WDR64: variants seen among roughly 807,000 people sequenced by gnomAD.
The protein encoded by WDR64 is WD repeat-containing protein 64.
Under a neutral mutation model 139.3 loss-of-function variants are expected in WDR64, and 112 were observed. The ratio of observed to expected loss-of-function variants is 0.80; its 90% CI spans 0.69 to 0.94. The LOEUF (loss-of-function observed/expected upper bound fraction) is 0.94, where lower values mean the gene tolerates loss of function less well. Among genes scored for constraint, WDR64 ranks in the 40% least tolerant of loss-of-function variants. The pLI, the probability that WDR64 is intolerant of heterozygous loss-of-function variation, is 0.00. For synonymous variants in WDR64, 444 were observed against 437.7 expected (o/e 1.01, Z -0.18); for missense variants, 1,206 against 1,293.1 (o/e 0.93, Z 1.03).
chr1:241,801,110 T>C (rs1659511310), intron 27 of WDR64, 22 bp from the exon 28 acceptor site: 4 of 1,606,614 alleles, frequency 2.5e-6, no homozygotes, highest in Middle Eastern at 1.7e-4. Context: ...AGTTACTAAC[T>C]GACATGCTCT....
Position 241,668,305 on chromosome 1 carries a change from C to T in WDR64, c.277-2769C>T, listed in dbSNP as rs142272192. Among the ~76,000 whole-genome samples the T allele has an allele frequency of 5.9e-3, 898 of 151,900 alleles. 10 individuals carry two copies. Among genetic ancestry groups the T allele is most frequent in the African/African-American group, 0.021 (855 of 41,408 alleles). On this transcript the variant is annotated intron_variant, in intron 2 of 27. Coordinates refer to ENST00000437684, the MANE Select transcript of WDR64 (RefSeq NM_001367482.1). ...GGGGCGGATCACGAGGTCAGGAGTTCGAGACCAGCCTGGCCAATAGGGTGA... is the reference window on the plus strand; with the variant it reads ...GGGGCGGATCACGAGGTCAGGAGTTTGAGACCAGCCTGGCCAATAGGGTGA...
intron 8 of WDR64, among the ~76,000 whole-genome samples, chr1:241,689,635 G>T (rs561688540): frequency 1.3e-5 from 2 of 152,186 alleles, no homozygotes; most frequent in Non-Finnish European, 2.9e-5. Context: ...ATCAGAATCA[G>T]ATGCAGACAT....
intron 8 of WDR64, among the ~76,000 whole-genome samples, chr1:241,699,011 C>T (rs900811620): frequency 6.6e-6 from 1 of 152,124 alleles, no homozygotes; most frequent in Non-Finnish European, 1.5e-5. Flanking sequence ...AGGGAAAAGG[C>T]CTTTATGAAA....
Position 241,679,530 on chromosome 1 carries a change from C to T in WDR64, c.559C>T (p.Arg187Ter), listed in dbSNP as rs41304038. ...TGCDYLLQLK[R>*]IVATTERTII... ...GTGTGATTACCTCTTGCAGCTGAAACGAATCGTAGCCACAACCGAAAGGAC... is the reference window on the plus strand; with the variant it reads ...GTGTGATTACCTCTTGCAGCTGAAATGAATCGTAGCCACAACCGAAAGGAC... The change falls in exon 6 of 28, where the codon CGA becomes TGA. Residue 187 changes from arginine to a stop codon, truncating the protein, a stop_gained. Coordinates refer to ENST00000437684, the MANE Select transcript of WDR64 (RefSeq NM_001367482.1). LOFTEE classifies it high-confidence loss of function. The T allele has an allele frequency of 4.5e-4, 693 of 1,551,568 alleles. No homozygotes were observed. The highest frequency in any genetic ancestry group is 1.4e-3 in the Admixed American group (70 of 50,996).
chr1:241,736,800 G>T (rs954208654), intron 10 of WDR64, among the ~76,000 whole-genome samples: 3 of 152,182 alleles, frequency 2.0e-5, no homozygotes, highest in African/African-American at 7.2e-5. Flanking sequence ...AAGGTGAATG[G>T]TGCTGATGTC....
chr1:241,769,353 A>AGCTCC lies in WDR64; in HGVS notation c.2082-50_2082-46dup, dbSNP rs1658327938. 9.0e-5 allele frequency: 126 copies of AGCTCC among 1,402,924 alleles called. 1 individual carries two copies. The South Asian group carries it at 1.3e-3, about 15-fold the overall frequency. The allele number at this position is 1,402,924 out of a possible 1,614,324, so 86.9% of individuals were successfully genotyped here. A position where few individuals can be genotyped will look rare whatever the true frequency, so the allele number is the denominator to read the frequency against. On this transcript the variant is annotated intron_variant, in intron 16 of 27. Transcript: ENST00000437684. ...GAGGATATACAATCTTAGTACTGTAAGCTCCATAATTTGTGAATTTTTTCT... is the reference window on the plus strand; with the variant it reads ...GAGGATATACAATCTTAGTACTGTAAGCTCCGCTCCATAATTTGTGAATTTTTTCT...
At chr1:241,695,585 A>G (rs1368407840) in intron 8 of WDR64, among the ~76,000 whole-genome samples, 1 of 152,216 alleles carries the variant, frequency 6.6e-6, no homozygotes, top group Non-Finnish European at 1.5e-5. Flanking sequence ...GGAGTAATAA[A>G]CGATAGTTCT....
At position 241,723,424 on chromosome 1, in the gene WDR64, T is replaced by C. The variant is rs747031216; in HGVS notation, c.1182T>C (p.Leu394=). 1 of 1,613,588 alleles carries C rather than the reference T, an allele frequency of 6.2e-7. No individual in the cohort carries two copies. The highest frequency in any genetic ancestry group is 2.2e-5 in the East Asian group (1 of 44,862). Reference sequence around the variant, plus strand: ...AAAAAGATCAACATGTCGTCAGCCTTTCCTCTGCAAAGGTAACAAAAAGAA... The same window carrying C: ...AAAAAGATCAACATGTCGTCAGCCTCTCCTCTGCAAAGGTAACAAAAAGAA... ...TNEKDQHVVS[L]SSAKVFRVWD... Residue 394 remains leucine (L), a synonymous_variant, in exon 10 of 28, where the codon CTT becomes CTC. Transcript: ENST00000437684.
chr1:241,801,119 C>G lies in WDR64; in HGVS notation c.3193-13C>G. 2.5e-6 allele frequency: 4 copies of G among 1,612,026 alleles called. 1 individual carries two copies. The highest frequency in any genetic ancestry group is 2.2e-5 in the South Asian group (2 of 90,836). Reference sequence around the variant, plus strand: ...AATGCCAGTTACTAACTGACATGCTCTTTATTTCACAGGCACCACGAAGAA... The same window carrying G: ...AATGCCAGTTACTAACTGACATGCTGTTTATTTCACAGGCACCACGAAGAA... On this transcript the variant is annotated splice_polypyrimidine_tract_variant and intron_variant, in intron 27 of 27. Transcript: ENST00000437684.
At chr1:241,660,788 C>G (rs1461292050) in intron 2 of WDR64, 128 bp downstream of exon 2, 1 of 1,008,666 alleles carries the variant, frequency 9.9e-7, no homozygotes, top group Non-Finnish European at 1.4e-6. Context: ...GTTTCAATAC[C>G]TACACCCATT....
In WDR64 at chr1:241,674,873, TC is replaced by T; in HGVS notation, c.483+127del. 1.6e-5 allele frequency: 2 copies of T among 123,118 alleles called. 1 individual carries two copies. The highest frequency in any genetic ancestry group is 5.2e-3 in the Middle Eastern group (2 of 386). The allele number at this position is 123,118 out of a possible 1,614,324, so 7.6% of individuals were successfully genotyped here. ...TTCTTTCCTTCCTCCCTCCCTCCTT[TC>T]TTTCTTTCCTTCTTGCTTTTATTTC... On this transcript the variant is annotated intron_variant, in intron 4 of 27. Transcript: ENST00000437684.
rs878892531 is a variant in WDR64, at chr1:241,741,592, A to G, written c.1398A>G (p.Arg466=). ...AACAGGTTCCTCACACTCATGAACG[A>G]GAAATCAATGTCATGCTTTACAACA... is the stretch of plus-strand genomic sequence containing the variant. ...DTKQVPHTHE[R]EINVMLYNKY... The change falls in exon 12 of 28, where the codon CGA becomes CGG. Residue 466 remains arginine (R), a synonymous_variant. Coordinates refer to ENST00000437684, the MANE Select transcript of WDR64 (RefSeq NM_001367482.1). 6.2e-7 allele frequency: 1 copy of G among 1,613,632 alleles called. No individual in the cohort carries two copies. The highest frequency in any genetic ancestry group is 1.3e-5 in the African/African-American group (1 of 74,936).
intron 8 of WDR64, among the ~76,000 whole-genome samples, chr1:241,708,692 GT>G (rs766069628): frequency 2.0e-4 from 12 of 59,890 alleles, no homozygotes; most frequent in African/African-American, 3.2e-4. Flanking sequence ...GAGGTCCATG[GT>G]TTTTTTTTTT....
rs149329129 is a variant in WDR64, at chr1:241,795,696, C to T, written c.3078+409C>T. Among the ~76,000 whole-genome samples, 23 of 152,234 alleles carry T rather than the reference C, an allele frequency of 1.5e-4. 1 individual carries two copies. In the East Asian group the frequency reaches 3.7e-3, roughly 24 times the overall value. ...TCTCTAATACCTCTGAAACTGTGCC[C>T]GTGCTGCCCCCCTGCCCAGAATTCA... is the stretch of plus-strand genomic sequence containing the variant. On this transcript the variant is annotated intron_variant, in intron 26 of 27. Transcript: ENST00000437684.
At position 241,652,808 on chromosome 1, in the gene WDR64, C is replaced by CTTTTG. The variant is rs542396570; in HGVS notation, c.145+194_145+198dup. Among the ~76,000 whole-genome samples the CTTTTG allele has an allele frequency of 5.9e-5, 9 of 152,250 alleles. 1 individual carries two copies. In the South Asian group the frequency reaches 1.9e-3, roughly 32 times the overall value. On this transcript the variant is annotated intron_variant, in intron 1 of 27. Coordinates refer to ENST00000437684, the MANE Select transcript of WDR64 (RefSeq NM_001367482.1). The stretch of plus-strand genomic sequence containing the variant: ...AAATAACAAAGCGGACATGAGGAAG[C>CTTTTG]TTTTGTTTTGTTTTGTTTTTGTTTT...
chr1:241,687,068 G>C (rs192261729), intron 7 of WDR64, among the ~76,000 whole-genome samples: 1 of 152,156 alleles, frequency 6.6e-6, no homozygotes, highest in African/African-American at 2.4e-5. Flanking sequence ...ACTTTGGGAG[G>C]CCGAGGCAGG....
At chr1:241,761,478 T>C (rs1657892194) in intron 15 of WDR64, among the ~76,000 whole-genome samples, 2 of 151,856 alleles carry the variant, frequency 1.3e-5, no homozygotes, top group Admixed American at 6.6e-5. Context: ...TTGTTCATAT[T>C]TTTTGTCAAT....
chr1:241,739,865 T>A (rs1275094663), intron 11 of WDR64, among the ~76,000 whole-genome samples: 1 of 152,248 alleles, frequency 6.6e-6, no homozygotes, highest in Admixed American at 6.5e-5. Context: ...ATGTCTAGGA[T>A]TTTAATTCAT....
chr1:241,744,438 C>A lies in WDR64; in HGVS notation c.1516C>A (p.Pro506Thr). ...GCTCCAAGTATACCAGATTTTAGAA[C>A]CTCATGGTTTCAATACTGAAGTGAC... is the stretch of plus-strand genomic sequence containing the variant. ...TGLQVYQILE[P>T]HGFNTEVTSA... The change falls in exon 13 of 28, where the codon CCT becomes ACT. Residue 506 changes from proline to threonine, a missense_variant. Transcript: ENST00000437684. The A allele has an allele frequency of 6.2e-7, 1 of 1,614,016 alleles. No homozygotes were observed. The highest frequency in any genetic ancestry group is 8.5e-7 in the Non-Finnish European group (1 of 1,179,994).
Sources: allele counts gnomAD v4.1 joint callset (sites outside exome capture counted in the v4.1 genomes callset), GRCh38; gene constraint gnomAD v4.1.1; transcripts MANE v1.5; gene names NCBI Gene and HGNC (gene_info 2026-07-23, HGNC 2026-07-21).